Variants in KAZN observed in about 807,000 individuals in gnomAD.
KAZN encodes kazrin, periplakin interacting protein, also known as kazrin.
A neutral mutation model predicts 87.4 loss-of-function variants in KAZN; 40 were observed. That is an observed-to-expected ratio of 0.46 (90% CI 0.36 to 0.60). The LOEUF (loss-of-function observed/expected upper bound fraction) is 0.60, where lower values mean the gene tolerates loss of function less well. Among genes scored for constraint, KAZN ranks in the 20% least tolerant of loss-of-function variants. KAZN has a pLI of 0.00. For missense variants in KAZN, 898 were observed against 1,073.9 expected (o/e 0.84, Z 2.29); for synonymous variants, 466 against 458.3 (o/e 1.02, Z -0.22).
At chr1:14,440,911 A>G (rs1257745638) in intron 2 of KAZN, among the ~76,000 whole-genome samples, 1 of 152,208 alleles carries the variant, frequency 6.6e-6, no homozygotes, top group African/African-American at 2.4e-5. Context: ...ACAGGTTCTG[A>G]GGGCTGGCAG....
At chr1:14,734,028 G>A (rs1009524994) in intron 1 of KAZN, among the ~76,000 whole-genome samples, 2 of 152,152 alleles carry the variant, frequency 1.3e-5, no homozygotes, top group South Asian at 4.1e-4. Context: ...ACGCCTAACA[G>A]GTTCAACTCA....
intron 1 of KAZN, among the ~76,000 whole-genome samples, chr1:14,908,820 C>T (rs60896313): frequency 0.1 from 15,421 of 152,040 alleles, 975 homozygotes; most frequent in Admixed American, 0.19. Flanking sequence ...TTCAAGACCA[C>T]CCTGGTCAAC....
chr1:14,388,624 G>A (rs1662157495), intron 2 of KAZN, among the ~76,000 whole-genome samples: 1 of 152,140 alleles, frequency 6.6e-6, no homozygotes, highest in African/African-American at 2.4e-5. Context: ...AATAAATGAT[G>A]CAGGGAAAAC....
intron 2 of KAZN, among the ~76,000 whole-genome samples, chr1:14,344,160 A>AT (rs751631785): frequency 9.7e-5 from 9 of 92,798 alleles, no homozygotes; most frequent in African/African-American, 4.2e-4. Flanking sequence ...CCATTCATGT[A>AT]TTCTTTTTTT....
rs140258858 is a variant in KAZN at position 15,047,152 on chromosome 1, T to G, written c.726+2993T>G. Among the ~76,000 whole-genome samples the G allele has an allele frequency of 5.7e-3, 867 of 152,294 alleles. 12 individuals carry two copies. The highest frequency in any genetic ancestry group is 0.019 in the African/African-American group (797 of 41,564). On this transcript the variant is annotated intron_variant, in intron 4 of 14. Coordinates refer to ENST00000376030, the MANE Select transcript of KAZN (RefSeq NM_201628.3). Reference sequence around the variant, plus strand: ...ATGTTCATGTTAACAGCACATGCAGTGTCTACCCAGGGCTTGGAGGCAGAG... The same window carrying G: ...ATGTTCATGTTAACAGCACATGCAGGGTCTACCCAGGGCTTGGAGGCAGAG...
Position 14,925,889 on chromosome 1 carries a change from T to A in KAZN, c.227-34795T>A, listed in dbSNP as rs116156483. ...CGGCAGAGTCCAAGACGGGTTGAGG[T>A]AAAACAGCATCGATGCGAAAAGGAA... On this transcript the variant is annotated intron_variant, in intron 1 of 14. Transcript: ENST00000376030. Among the ~76,000 whole-genome samples the A allele has an allele frequency of 4.0e-3, 608 of 152,198 alleles. 4 individuals carry two copies. Among genetic ancestry groups the A allele is most frequent in the African/African-American group, 0.014 (579 of 41,536 alleles).
At chr1:14,073,209 C>T (rs533777673) in intron 1 of KAZN, among the ~76,000 whole-genome samples, 1 of 152,158 alleles carries the variant, frequency 6.6e-6, no homozygotes, top group African/African-American at 2.4e-5. Flanking sequence ...GAACCCAAGA[C>T]AGTGAGTATG....
intron 5 of KAZN, 99 bp from the exon 6 acceptor site, chr1:15,060,073 C>T: frequency 6.7e-7 from 1 of 1,483,456 alleles, no homozygotes. Flanking sequence ...TCAGTGTTCC[C>T]ATCTGTAGAA....
At chr1:14,606,114 G>C (rs1299675790) in intron 1 of KAZN, among the ~76,000 whole-genome samples, 1 of 152,206 alleles carries the variant, frequency 6.6e-6, no homozygotes, top group Non-Finnish European at 1.5e-5. Context: ...TCTAGAGTCT[G>C]TGTTCTTATT....
intron 2 of KAZN, among the ~76,000 whole-genome samples, chr1:14,570,978 C>T (rs1674829217): frequency 1.3e-5 from 2 of 152,116 alleles, no homozygotes; most frequent in African/African-American, 2.4e-5. Context: ...GCAGCTTCTC[C>T]CTGTCCTCTA....
chr1:14,836,139 G>A (rs1308206812), intron 1 of KAZN, among the ~76,000 whole-genome samples: 1 of 152,184 alleles, frequency 6.6e-6, no homozygotes, highest in Non-Finnish European at 1.5e-5. Flanking sequence ...GCTCCTGAGA[G>A]AAGAGGGGAC....
chr1:15,104,263 C>A, intron 13 of KAZN, 74 bp downstream of exon 13: 1 of 1,400,708 alleles, frequency 7.1e-7, no homozygotes, highest in South Asian at 1.4e-5. Context: ...AGCAGATGGT[C>A]CAGCTCCCCA....
chr1:14,883,346 GAAAGAAAGA>G (rs1426608434), intron 1 of KAZN, among the ~76,000 whole-genome samples: 1 of 32,528 alleles, frequency 3.1e-5, no homozygotes, highest in Non-Finnish European at 6.4e-5. Context: ...GAGAGAGAAA[GAAAGAAAGA>G]AAAGAAAGAA....
chr1:14,659,854 G>A (rs753727927), intron 1 of KAZN, among the ~76,000 whole-genome samples: 29 of 149,212 alleles, frequency 1.9e-4, no homozygotes, highest in Non-Finnish European at 1.9e-4. Flanking sequence ...CCAGCCCCCA[G>A]CAATCTTCAA....
upstream of KAZN, among the ~76,000 whole-genome samples, chr1:14,598,193 G>A (rs936551287): frequency 1.3e-5 from 2 of 152,256 alleles, no homozygotes; most frequent in African/African-American, 2.4e-5. The surrounding 1 kb of genome is among the most constrained non-coding windows in gnomAD (Gnocchi z 4.2). Flanking sequence ...CCTGCGGGTG[G>A]GGGGTGGAGA....
chr1:14,165,045 T>G (rs1417974240), intron 1 of KAZN, among the ~76,000 whole-genome samples: 1 of 138,394 alleles, frequency 7.2e-6, no homozygotes, highest in Non-Finnish European at 1.6e-5. Context: ...AAAGGATCAT[T>G]TTTCCTCTTA....
chr1:15,101,834 T>C, intron 11 of KAZN, 60 bp downstream of exon 11: 2 of 1,141,836 alleles, frequency 1.8e-6, no homozygotes. Context: ...CCTCTTGGCA[T>C]CTACTGTCTG....
chr1:13,951,163 G>C (rs1214668284), intron 1 of KAZN, among the ~76,000 whole-genome samples: 1 of 152,234 alleles, frequency 6.6e-6, no homozygotes, highest in Non-Finnish European at 1.5e-5. Context: ...CACTGTGGGT[G>C]TGCCCAGTGC....
At chr1:14,218,823 A>G (rs951194630) in intron 2 of KAZN, among the ~76,000 whole-genome samples, 4 of 152,152 alleles carry the variant, frequency 2.6e-5, no homozygotes, top group African/African-American at 9.6e-5. Context: ...GAATTATTTC[A>G]ACTAATAACT....
Sources: allele counts gnomAD v4.1 joint callset (sites outside exome capture counted in the v4.1 genomes callset), GRCh38; gene constraint gnomAD v4.1.1; non-coding constraint Gnocchi (gnomAD v3.1); transcripts MANE v1.5; gene names NCBI Gene and HGNC (gene_info 2026-07-23, HGNC 2026-07-21).